The following IL34 variants were observed in gnomAD, a reference collection of about 807,000 sequenced individuals.
The protein encoded by IL34 is interleukin 34.
A neutral mutation model predicts 25.3 loss-of-function variants in IL34; 17 were observed. The ratio of observed to expected loss-of-function variants is 0.67; its 90% CI spans 0.46 to 1.01. The LOEUF is 1.01. IL34 is among the 50% of genes least tolerant of loss of function. The probability of loss-of-function intolerance (pLI) is 0.00; values close to 1 mark genes in which losing one functional copy is unlikely to be tolerated. For missense variants in IL34, 368 were observed against 312.9 expected, an observed-to-expected ratio of 1.18 and a Z score of -1.33; for synonymous variants, 174 against 140.9, an observed-to-expected ratio of 1.23 and a Z score of -1.66.
intron 1 of IL34, among the ~76,000 whole-genome samples, chr16:70,630,925 G>A (rs2051504280): frequency 6.6e-6 from 1 of 152,034 alleles, no homozygotes. Flanking sequence ...TCCAAATCTT[G>A]GCTATTGTGA....
At chr16:70,638,345 G>T (rs1267262151) in intron 1 of IL34, among the ~76,000 whole-genome samples, 2 of 152,006 alleles carry the variant, frequency 1.3e-5, no homozygotes, top group African/African-American at 4.8e-5. Flanking sequence ...TAGGCATGGT[G>T]GTGCACACCT....
At chr16:70,638,130 T>C (rs2051697475) in intron 1 of IL34, among the ~76,000 whole-genome samples, 1 of 152,208 alleles carries the variant, frequency 6.6e-6, no homozygotes, top group East Asian at 1.9e-4. Context: ...AGCCATGGGC[T>C]GCTTTTGAAT....
At chr16:70,621,693 C>G (rs563211361) in intron 1 of IL34, among the ~76,000 whole-genome samples, 7 of 152,166 alleles carry the variant, frequency 4.6e-5, no homozygotes, top group African/African-American at 1.7e-4. Context: ...TGCAGGCAGG[C>G]TGAGTCCGAA....
In IL34 at chr16:70,657,604, G is replaced by T. The variant is rs34978693; in HGVS notation, c.402+483G>T. ...CAGCCTGGCCAAATGGTGAAACCCC[G>T]TCTCTACTAAAAATACAAAAATAAG... On this transcript the variant is annotated intron_variant, in intron 4 of 5. Transcript: ENST00000288098. Among the ~76,000 whole-genome samples the T allele has an allele frequency of 2.5e-3, 379 of 152,170 alleles. 2 individuals carry two copies. The highest frequency in any genetic ancestry group is 4.1e-3 in the Non-Finnish European group (279 of 68,006).
intron 1 of IL34, among the ~76,000 whole-genome samples, chr16:70,623,015 T>C (rs1016851091): frequency 2.0e-5 from 3 of 152,026 alleles, no homozygotes; most frequent in African/African-American, 7.2e-5. Flanking sequence ...GGAGTTGTTT[T>C]GTAAGGGATT....
At chr16:70,608,983 T>G (rs977861675) in intron 1 of IL34, among the ~76,000 whole-genome samples, 1 of 152,206 alleles carries the variant, frequency 6.6e-6, no homozygotes, top group Non-Finnish European at 1.5e-5. Context: ...TTCCATGTGA[T>G]ATGAGCTGAT....
intron 1 of IL34, among the ~76,000 whole-genome samples, chr16:70,638,448 A>C (rs2151859261): frequency 6.6e-6 from 1 of 152,060 alleles, no homozygotes; most frequent in Admixed American, 6.5e-5. Flanking sequence ...AAAAAAAATA[A>C]AGAAAAAAGA....
chr16:70,660,039 C>G lies in IL34; in HGVS notation c.581C>G (p.Pro194Arg), dbSNP rs1185044900. 2.5e-6 allele frequency: 4 copies of G among 1,611,974 alleles called. No homozygotes were observed. The East Asian group carries it at 6.7e-5, about 27-fold the overall frequency. ...SVLNWQDCEV[P>R]SPQSCSPEPS... The stretch of plus-strand genomic sequence containing the variant: ...CTAAACTGGCAGGACTGTGAGGTGC[C>G]AAGTCCTCAGTCTTGCAGCCCAGAG... Residue 194 changes from proline to arginine, a missense_variant, in exon 6 of 6, where the codon CCA (proline) becomes CGA (arginine). By Grantham distance (103) the Pro-to-Arg change is moderately radical. Coordinates refer to ENST00000288098, the MANE Select transcript of IL34 (RefSeq NM_001393494.1).
chr16:70,590,935 C>T (rs76641107), intron 1 of IL34, among the ~76,000 whole-genome samples: 1,773 of 152,294 alleles, frequency 0.012, 39 homozygotes, highest in African/African-American at 0.04. Flanking sequence ...GTCGTCAGTG[C>T]GCTGCCCCTC....
intron 1 of IL34, among the ~76,000 whole-genome samples, chr16:70,606,266 T>G (rs1434689519): frequency 6.6e-6 from 1 of 151,736 alleles, no homozygotes; most frequent in Non-Finnish European, 1.5e-5. Flanking sequence ...GGCGTGGTGG[T>G]GGGTGCCTGT....
chr16:70,639,997 G>A (rs553892139), intron 1 of IL34, among the ~76,000 whole-genome samples: 170 of 152,132 alleles, frequency 1.1e-3, no homozygotes, highest in Middle Eastern at 0.01. Context: ...AGTGGACCAT[G>A]GATCTGCAAT....
At chr16:70,625,862 C>G (rs555605323) in intron 1 of IL34, among the ~76,000 whole-genome samples, 1 of 152,202 alleles carries the variant, frequency 6.6e-6, no homozygotes, top group African/African-American at 2.4e-5. Flanking sequence ...AAAGTGGCCA[C>G]TTACCGGATT....
Position 70,607,825 on chromosome 16 carries a change from C to T in IL34, c.-401+27776C>T, listed in dbSNP as rs139968694. Among the ~76,000 whole-genome samples the T allele has an allele frequency of 1.1e-4, 16 of 150,862 alleles. No homozygotes were observed. The East Asian group carries it at 3.0e-3, about 28-fold the overall frequency. ...TGTTACCTAGGCTGGAGTGCAGTGG[C>T]GTGATCTCGGCTCACTGTAACCTCT... On this transcript the variant is annotated intron_variant, in intron 1 of 6. Transcript: ENST00000429149.
intron 1 of IL34, among the ~76,000 whole-genome samples, chr16:70,622,694 C>T (rs529295055): frequency 1.3e-5 from 2 of 151,970 alleles, no homozygotes; most frequent in South Asian, 2.1e-4. Context: ...GAAGTCCGGG[C>T]CAGGAACAAT....
At chr16:70,609,293 G>A (rs2051056520) in intron 1 of IL34, among the ~76,000 whole-genome samples, 1 of 151,998 alleles carries the variant, frequency 6.6e-6, no homozygotes, top group South Asian at 2.1e-4. Flanking sequence ...TGGCCAGGAT[G>A]GTCTTGAACT....
chr16:70,634,658 C>A lies in IL34; in HGVS notation c.-400-11890C>A, dbSNP rs760231331. On this transcript the variant is annotated intron_variant, in intron 1 of 6. Transcript: ENST00000429149. ...TCGTGTCACTGAACTCCAGCCTGGG[C>A]GACAGAGCGAGATTCCGAATCAAAA... 3.3e-5 allele frequency among the ~76,000 whole-genome samples: 5 copies of A among 150,024 alleles called. No homozygotes were observed. In the Admixed American group the frequency reaches 3.3e-4, roughly 10 times the overall value.
intron 1 of IL34, among the ~76,000 whole-genome samples, chr16:70,634,869 A>C (rs1301436741): frequency 6.6e-6 from 1 of 151,402 alleles, no homozygotes; most frequent in Non-Finnish European, 1.5e-5. Context: ...GCTTTTGCTC[A>C]AAATAATGTT....
intron 1 of IL34, among the ~76,000 whole-genome samples, chr16:70,631,548 G>A (rs1026866088): frequency 2.0e-5 from 3 of 152,106 alleles, no homozygotes; most frequent in Admixed American, 6.5e-5. Context: ...TTTATATAAT[G>A]TTTTGGAGGA....
At chr16:70,642,153 G>C (rs562529372), upstream of IL34, among the ~76,000 whole-genome samples, 1 of 152,112 alleles carries the variant, frequency 6.6e-6, no homozygotes, top group South Asian at 2.1e-4. Context: ...ATTGATTTCC[G>C]GTGAGGGCTC....
Sources: allele counts gnomAD v4.1 joint callset (sites outside exome capture counted in the v4.1 genomes callset), GRCh38; gene constraint gnomAD v4.1.1; transcripts MANE v1.5; gene names NCBI Gene and HGNC (gene_info 2026-07-23, HGNC 2026-07-21).